COL24A1: variants seen among roughly 807,000 people sequenced by gnomAD.
The protein encoded by COL24A1 is collagen type XXIV alpha 1 chain.
A neutral mutation model predicts 253.9 loss-of-function variants in COL24A1; 224 were observed. That is an observed-to-expected ratio of 0.88 (90% CI 0.79 to 0.99). The LOEUF (loss-of-function observed/expected upper bound fraction) is 0.99. COL24A1 is among the 50% of genes least tolerant of loss of function. COL24A1 has a pLI of 0.00. For missense variants in COL24A1, 2,131 were observed against 2,068.5 expected, an observed-to-expected ratio of 1.03 and a Z score of -0.59; for synonymous variants, 685 against 673.7, an observed-to-expected ratio of 1.02 and a Z score of -0.26.
chr1:85,953,361 A>C (rs1690117090), intron 24 of COL24A1, among the ~76,000 whole-genome samples: 1 of 152,160 alleles, frequency 6.6e-6, no homozygotes, highest in African/African-American at 2.4e-5. Flanking sequence ...TAGCAAAATA[A>C]AGCCAGAGTT....
At chr1:85,755,066 C>T (rs574474738) in intron 55 of COL24A1, among the ~76,000 whole-genome samples, 3 of 152,132 alleles carry the variant, frequency 2.0e-5, no homozygotes, top group African/African-American at 7.2e-5. Flanking sequence ...GGAAGCTCAT[C>T]ATGTCCGAGA....
At chr1:85,949,013 A>T (rs919933713) in intron 24 of COL24A1, among the ~76,000 whole-genome samples, 2 of 152,156 alleles carry the variant, frequency 1.3e-5, no homozygotes, top group Non-Finnish European at 2.9e-5. Flanking sequence ...CATACTTTTG[A>T]CAATTTTTCA....
At chr1:85,801,112 T>C (rs1254994415) in intron 47 of COL24A1, among the ~76,000 whole-genome samples, 2 of 152,202 alleles carry the variant, frequency 1.3e-5, no homozygotes, top group Non-Finnish European at 2.9e-5. Flanking sequence ...ACCACATTCA[T>C]TTTTTTCTTA....
intron 24 of COL24A1, among the ~76,000 whole-genome samples, chr1:85,947,336 C>A (rs1689424206): frequency 6.6e-6 from 1 of 152,040 alleles, no homozygotes; most frequent in Non-Finnish European, 1.5e-5. Flanking sequence ...AAAGGTGAAC[C>A]CCCATTTACA....
chr1:85,885,398 T>TATA (rs1553213745), intron 32 of COL24A1, among the ~76,000 whole-genome samples: 210 of 58,202 alleles, frequency 3.6e-3, no homozygotes, highest in African/African-American at 0.01. Context: ...TATATATATA[T>TATA]TTTTTTTTTA....
chr1:86,081,614 C>T (rs184434440), intron 7 of COL24A1, among the ~76,000 whole-genome samples: 1 of 152,246 alleles, frequency 6.6e-6, no homozygotes, highest in East Asian at 1.9e-4. Context: ...ACTTTACTGT[C>T]TGTACATGAT....
chr1:85,879,428 T>G (rs1558505910), intron 32 of COL24A1, among the ~76,000 whole-genome samples: 1 of 152,304 alleles, frequency 6.6e-6, no homozygotes, highest in East Asian at 1.9e-4. Context: ...TTGTGTATAT[T>G]GTGTAGAACA....
chr1:86,125,672 A>G lies in COL24A1; in HGVS notation c.664T>C (p.Leu222=), dbSNP rs117871299. Reference sequence around the variant, plus strand: ...GCTTCTGCAGAAGGAATAATATCTAACTGACATACTATTCCTTCAAAATGG... The same window carrying G: ...GCTTCTGCAGAAGGAATAATATCTAGCTGACATACTATTCCTTCAAAATGG... ...SIHFEGIVCQ[L]DIIPSAEASA... Residue 222 remains leucine, a synonymous_variant, in exon 3 of 60, where the codon TTA becomes CTA. Transcript: ENST00000370571. The G allele has an allele frequency of 3.3e-3, 5,322 of 1,611,502 alleles. 125 individuals carry two copies. The East Asian group carries it at 0.059, about 18-fold the overall frequency.
chr1:86,156,268 G>A (rs957017452), intron 1 of COL24A1, 73 bp downstream of exon 1: 1 of 1,446,018 alleles, frequency 6.9e-7, no homozygotes, highest in Non-Finnish European at 9.5e-7. Context: ...ATCTCCATCA[G>A]GCTCAGCAGA....
At chr1:85,883,706 C>T (rs1435441428) in intron 32 of COL24A1, 2 of 152,106 alleles carry the variant, frequency 1.3e-5, no homozygotes, top group Admixed American at 1.3e-4. Flanking sequence ...TATTCCTAGG[C>T]CATCTCCAAT....
At chr1:85,890,248 TG>T (rs2102744671) in intron 31 of COL24A1, among the ~76,000 whole-genome samples, 1 of 152,306 alleles carries the variant, frequency 6.6e-6, no homozygotes, top group South Asian at 2.1e-4. Flanking sequence ...TTCAATTATT[TG>T]GGTATCTACC....
intron 51 of COL24A1, 132 bp downstream of exon 51, chr1:85,783,364 C>T (rs1669332418): frequency 5.9e-6 from 4 of 677,248 alleles, no homozygotes; most frequent in Non-Finnish European, 9.9e-6. Context: ...TCTGCATGTG[C>T]CCTTATGAGT....
chr1:85,958,592 G>T lies in COL24A1; in HGVS notation c.2562+2657C>A, dbSNP rs188399367. On this transcript the variant is annotated intron_variant, in intron 24 of 59. Transcript: ENST00000370571. ...ACTCTATGGAAGAACCTATTTGAGTGTTAGAAATTCTATTAAAATATTCTT... is the reference window on the plus strand; with the variant it reads ...ACTCTATGGAAGAACCTATTTGAGTTTTAGAAATTCTATTAAAATATTCTT... 1.0e-3 allele frequency among the ~76,000 whole-genome samples: 159 copies of T among 152,222 alleles called. 1 individual carries two copies. The highest frequency in any genetic ancestry group is 3.6e-3 in the African/African-American group (150 of 41,568).
rs755660305 is a variant in COL24A1 at position 86,124,826 on chromosome 1, TA to T, written c.1491+18del. On this transcript the variant is annotated intron_variant, in intron 3 of 59. Coordinates refer to ENST00000370571, the MANE Select transcript of COL24A1 (RefSeq NM_152890.7). ...TGTAAGTTAGCATATTAGGAGATAT[TA>T]AAAAAAAAAAAACTTACGGGAGGTC... The T allele has an allele frequency of 0.011, 14,287 of 1,262,278 alleles. No individual in the cohort carries two copies. The highest frequency in any genetic ancestry group is 0.017 in the South Asian group (1,027 of 61,052). The allele number at this position is 1,262,278 out of a possible 1,614,324, so 78.2% of individuals were successfully genotyped here.
Position 86,126,033 on chromosome 1 carries a change from G to A in COL24A1, c.303C>T (p.Asn101=). The A allele has an allele frequency of 6.2e-7, 1 of 1,613,596 alleles. No individual in the cohort carries two copies. Among genetic ancestry groups the A allele is most frequent in the Non-Finnish European group, 8.5e-7 (1 of 1,179,786 alleles). The change falls in exon 3 of 60, where the codon AAC becomes AAT. Residue 101 remains asparagine, a synonymous_variant. Transcript: ENST00000370571. ...TTAATATTGTAAACGGCTGCCCCAA[G>A]TTGACTGGTAAAATTTTCACGAAAG... ...ETPFVKILPV[N]LGQPFTILTG...
In COL24A1 at chr1:85,966,387, T is replaced by TC. The variant is rs1571400166; in HGVS notation, c.2464-1326dup. 2.0e-5 allele frequency among the ~76,000 whole-genome samples: 3 copies of TC among 152,218 alleles called. No homozygotes were observed. In the East Asian group the frequency reaches 5.8e-4, roughly 29 times the overall value. ...TATACAAGTCCAGAATTTAACTGGA[T>TC]CAGTTAAATTCTTTCTAATCAGTAG... On this transcript the variant is annotated intron_variant, in intron 22 of 59. Coordinates refer to ENST00000370571, the MANE Select transcript of COL24A1 (RefSeq NM_152890.7).
chr1:86,124,105 G>T (rs1410940457), intron 3 of COL24A1, among the ~76,000 whole-genome samples: 1 of 151,856 alleles, frequency 6.6e-6, no homozygotes, highest in Non-Finnish European at 1.5e-5. Context: ...AATGATTTTA[G>T]AAATTTTTAA....
intron 47 of COL24A1, among the ~76,000 whole-genome samples, chr1:85,804,881 T>G (rs1248084249): frequency 4.6e-5 from 7 of 152,126 alleles, no homozygotes; most frequent in African/African-American, 1.7e-4. Flanking sequence ...GGATTTTGTT[T>G]TGTCACCCAG....
intron 28 of COL24A1, among the ~76,000 whole-genome samples, chr1:85,899,613 A>T (rs1399708300): frequency 6.6e-6 from 1 of 152,204 alleles, no homozygotes; most frequent in Non-Finnish European, 1.5e-5. Context: ...AAGCTTCAAA[A>T]GGCCCCTGGA....
Sources: gnomAD v4.1 joint callset for allele counts (sites outside exome capture counted in the v4.1 genomes callset) on GRCh38, gnomAD v4.1.1 for gene constraint, MANE v1.5 for transcripts, NCBI Gene and HGNC (gene_info 2026-07-23, HGNC 2026-07-21) for gene names.